Variants in CDH8 observed in about 807,000 individuals in gnomAD.
The protein encoded by CDH8 is cadherin-8.
In CDH8, 17 loss-of-function variants were observed where a neutral mutation model predicts 68.1. The ratio of observed to expected loss-of-function variants is 0.25; its 90% CI spans 0.17 to 0.37. CDH8 has a LOEUF of 0.37. Ranked by LOEUF, CDH8 falls within the 10% of genes least tolerant of loss-of-function variation. The pLI is 1.00. For missense variants in CDH8, 763 were observed against 999.3 expected (o/e 0.76, Z 3.19); for synonymous variants, 372 against 365.1 (o/e 1.02, Z -0.21).
chr16:61,960,288 T>TAC (rs1698330207), intron 2 of CDH8, among the ~76,000 whole-genome samples: 1 of 99,866 alleles, frequency 1.0e-5, no homozygotes. Flanking sequence ...TATACACACA[T>TAC]ATATACGTGT....
intron 2 of CDH8, among the ~76,000 whole-genome samples, chr16:61,916,385 C>T (rs1360586419): frequency 6.6e-6 from 1 of 152,026 alleles, no homozygotes; most frequent in Non-Finnish European, 1.5e-5. Context: ...TGTGGTGGCG[C>T]ATGCCTGACG....
chr16:61,814,686 A>G (rs190948073), intron 7 of CDH8, among the ~76,000 whole-genome samples: 20 of 152,310 alleles, frequency 1.3e-4, no homozygotes, highest in Admixed American at 9.2e-4. Context: ...ATGCATAGCT[A>G]TGTGTTACCC....
intron 2 of CDH8, among the ~76,000 whole-genome samples, chr16:61,954,374 A>T (rs1426480993): frequency 6.6e-6 from 1 of 152,160 alleles, no homozygotes; most frequent in Admixed American, 6.5e-5. Context: ...GTCTCTATTA[A>T]AAACTGGGAC....
At chr16:61,686,251 A>T (rs9932468) in intron 10 of CDH8, among the ~76,000 whole-genome samples, 64,023 of 151,758 alleles carry the variant, frequency 0.42, 14,301 homozygotes, top group African/African-American at 0.53. Flanking sequence ...AATACCTCCA[A>T]TCTTCTTACT....
intron 2 of CDH8, among the ~76,000 whole-genome samples, chr16:62,014,081 G>A (rs1388353914): frequency 1.3e-5 from 2 of 152,088 alleles, no homozygotes; most frequent in African/African-American, 4.8e-5. Context: ...AGAGTCTGGA[G>A]CTACAGGAAA....
intron 2 of CDH8, among the ~76,000 whole-genome samples, chr16:61,907,669 A>G (rs1342025178): frequency 6.7e-6 from 1 of 149,950 alleles, no homozygotes; most frequent in Non-Finnish European, 1.5e-5. Context: ...ACAGAGTGAG[A>G]CCCTGTTGCA....
intron 2 of CDH8, among the ~76,000 whole-genome samples, chr16:61,952,021 C>A (rs369068981): frequency 6.6e-6 from 1 of 152,256 alleles, no homozygotes; most frequent in East Asian, 1.9e-4. Context: ...TGAATATTAT[C>A]GAAGACAGTG....
intron 3 of CDH8, among the ~76,000 whole-genome samples, chr16:61,864,690 T>C (rs185204250): frequency 6.6e-6 from 1 of 152,276 alleles, no homozygotes; most frequent in Admixed American, 6.5e-5. Flanking sequence ...GCTTCTTTTT[T>C]AACCCTGGAT....
chr16:61,895,504 C>T (rs750548123), intron 3 of CDH8, among the ~76,000 whole-genome samples: 5 of 152,090 alleles, frequency 3.3e-5, no homozygotes, highest in East Asian at 1.9e-4. Context: ...ATTCTCAATA[C>T]GTATTGGTCA....
intron 2 of CDH8, among the ~76,000 whole-genome samples, chr16:61,976,925 T>C (rs1279326618): frequency 2.0e-5 from 3 of 152,122 alleles, no homozygotes; most frequent in Admixed American, 6.6e-5. Flanking sequence ...ATTAATCCAT[T>C]TGAGAAAACA....
intron 2 of CDH8, chr16:61,940,207 C>T (rs904990398): frequency 6.6e-6 from 1 of 151,914 alleles, no homozygotes; most frequent in Non-Finnish European, 1.5e-5. Context: ...ATCTTTCTTA[C>T]GTCGAATGCT....
intron 8 of CDH8, among the ~76,000 whole-genome samples, chr16:61,788,961 ATG>A (rs1166431614): frequency 8.5e-5 from 13 of 152,052 alleles, no homozygotes; most frequent in Admixed American, 1.3e-4. Context: ...TGATTTAAAT[ATG>A]TGTTTCTATA....
At chr16:61,932,477 G>T (rs1459929222) in intron 2 of CDH8, among the ~76,000 whole-genome samples, 1 of 152,096 alleles carries the variant, frequency 6.6e-6, no homozygotes, top group African/African-American at 2.4e-5. Flanking sequence ...GGAGTAATGT[G>T]ATTTTTAATA....
chr16:61,669,281 A>T (rs1312230179), intron 10 of CDH8, among the ~76,000 whole-genome samples: 1 of 152,028 alleles, frequency 6.6e-6, no homozygotes, highest in Non-Finnish European at 1.5e-5. Flanking sequence ...CATTTAATTA[A>T]TTCCACCTTC....
At chr16:61,860,964 C>A (rs563214972) in intron 3 of CDH8, among the ~76,000 whole-genome samples, 1 of 152,130 alleles carries the variant, frequency 6.6e-6, no homozygotes, top group Admixed American at 6.5e-5. Context: ...TTTCTTTGAG[C>A]AAATACTTTA....
Position 61,650,727 on chromosome 16 carries a change from G to GAGAGAAAGAGAGAGAGAGAGAGAGAT in CDH8, c.*2880_*2881insATCTCTCTCTCTCTCTCTCTTTCTCT, listed in dbSNP as rs1963305345. On this transcript the variant is annotated 3_prime_UTR_variant, in exon 12 of 12. Transcript: ENST00000577390. ...TGTGTGAGAGAGAGAGAGAGAGAGA[G>GAGAGAAAGAGAGAGAGAGAGAGAGAT]AGAGAAAGAGAGAAAGAGAGAGATA... The GAGAGAAAGAGAGAGAGAGAGAGAGAT allele has an allele frequency of 2.0e-5, 3 of 150,864 alleles. No homozygotes were observed. Among genetic ancestry groups the GAGAGAAAGAGAGAGAGAGAGAGAGAT allele is most frequent in the Non-Finnish European group, 4.4e-5 (3 of 67,714 alleles). 9.3% of individuals were successfully genotyped at this position (150,864 alleles called of 1,614,324 possible).
chr16:61,794,033 T>C (rs911156304), intron 7 of CDH8, among the ~76,000 whole-genome samples: 12 of 152,070 alleles, frequency 7.9e-5, no homozygotes, highest in Non-Finnish European at 1.5e-4. Context: ...ACCTAAATAT[T>C]AAAATGCAAT....
intron 10 of CDH8, among the ~76,000 whole-genome samples, chr16:61,685,033 C>G (rs989193610): frequency 1.3e-5 from 2 of 151,816 alleles, no homozygotes; most frequent in Non-Finnish European, 2.9e-5. Flanking sequence ...CTTCCATCAT[C>G]TTTGTCACCA....
rs1333363291 is a variant in CDH8 at position 61,752,094 on chromosome 16, A to G, written c.1415-24879T>C. Reference sequence around the variant, plus strand: ...CATGAACATTGAACATGATAGCTAAATAATATGGTATGCTAGAAAGGAGTA... The same window carrying G: ...CATGAACATTGAACATGATAGCTAAGTAATATGGTATGCTAGAAAGGAGTA... On this transcript the variant is annotated intron_variant, in intron 8 of 11. Coordinates refer to ENST00000577390, the MANE Select transcript of CDH8 (RefSeq NM_001796.5). Among the ~76,000 whole-genome samples the G allele has an allele frequency of 2.6e-5, 4 of 152,172 alleles. No homozygotes were observed. The South Asian group carries it at 6.2e-4, about 24-fold the overall frequency.
Sources: gnomAD v4.1 joint callset for allele counts (sites outside exome capture counted in the v4.1 genomes callset) on GRCh38, gnomAD v4.1.1 for gene constraint, MANE v1.5 for transcripts, NCBI Gene and HGNC (gene_info 2026-07-23, HGNC 2026-07-21) for gene names.